SRC: variants seen among roughly 807,000 people sequenced by gnomAD.
SRC encodes proto-oncogene tyrosine-protein kinase Src.
A neutral mutation model predicts 62.9 loss-of-function variants in SRC; 13 were observed. The observed-to-expected ratio is 0.21, with a 90% CI of 0.13 to 0.33. The LOEUF (loss-of-function observed/expected upper bound fraction) is 0.33, where lower values mean the gene tolerates loss of function less well. Ranked by LOEUF, SRC falls within the 10% of genes least tolerant of loss-of-function variation. SRC has a pLI of 1.00. For synonymous variants in SRC, 302 were observed against 317.5 expected, an observed-to-expected ratio of 0.95 and a Z score of 0.52; for missense variants, 457 against 737.3, an observed-to-expected ratio of 0.62 and a Z score of 4.40.
At position 37,403,975 on chromosome 20, in the gene SRC, C is replaced by G. The variant is rs1360591546; in HGVS notation, c.*596C>G. 1 of 238,138 alleles carries G rather than the reference C, an allele frequency of 4.2e-6. No individual in the cohort carries two copies. The highest frequency in any genetic ancestry group is 8.3e-6 in the Non-Finnish European group (1 of 120,444). 14.8% of individuals were successfully genotyped at this position (238,138 alleles called of 1,614,324 possible). A position where few individuals can be genotyped will look rare whatever the true frequency, so the allele number is the denominator to read the frequency against. On this transcript the variant is annotated 3_prime_UTR_variant, in exon 14 of 14. Transcript: ENST00000373578. This position sits in a 1 kb window ranked among gnomAD's most constrained non-coding sequence, Gnocchi z 7.1. ...TGGTGGGTGGGTGGGATGAGTACCC[C>G]CTCAAACCCTGCCCTCCTTAGACCT...
At chr20:37,387,857 G>A (rs1016082467) in intron 5 of SRC, among the ~76,000 whole-genome samples, 1 of 152,180 alleles carries the variant, frequency 6.6e-6, no homozygotes, top group Admixed American at 6.5e-5. Context: ...TTGAAGTTGC[G>A]TTATTTTATT....
chr20:37,348,458 C>T (rs979730445), intron 1 of SRC, among the ~76,000 whole-genome samples: 1 of 152,156 alleles, frequency 6.6e-6, no homozygotes, highest in East Asian at 1.9e-4. Context: ...GTATTGAGCA[C>T]CTGCTGCGTA....
intron 5 of SRC, chr20:37,386,452 G>A (rs1182774044): frequency 2.8e-6 from 2 of 714,796 alleles, no homozygotes; most frequent in Non-Finnish European, 2.6e-6. Context: ...TCTCTCGCTG[G>A]CCCTTAGGAG....
chr20:37,359,389 C>G (rs2069931585), intron 1 of SRC, among the ~76,000 whole-genome samples: 1 of 152,228 alleles, frequency 6.6e-6, no homozygotes, highest in South Asian at 2.1e-4. Flanking sequence ...GCACACACAG[C>G]CCGTAAGAAG....
chr20:37,373,110 G>GTGCA (rs1555796334), intron 2 of SRC, among the ~76,000 whole-genome samples: 2 of 137,490 alleles, frequency 1.5e-5, no homozygotes, highest in African/African-American at 3.2e-5. Context: ...ACACATATAT[G>GTGCA]TACACACACA....
chr20:37,391,338 G>C (rs1460064770), intron 5 of SRC, among the ~76,000 whole-genome samples: 1 of 152,146 alleles, frequency 6.6e-6, no homozygotes. Context: ...GTGCCTGGCT[G>C]TGGACAGTCA....
Position 37,403,628 on chromosome 20 carries a change from C to T in SRC, c.*249C>T. 1.8e-6 allele frequency: 1 copy of T among 547,594 alleles called. No individual in the cohort carries two copies. Among genetic ancestry groups the T allele is most frequent in the Non-Finnish European group, 3.3e-6 (1 of 304,074 alleles). The allele number at this position is 547,594 out of a possible 1,614,324, so 33.9% of individuals were successfully genotyped here. A position where few individuals can be genotyped will look rare whatever the true frequency, so the allele number is the denominator to read the frequency against. On this transcript the variant is annotated 3_prime_UTR_variant, in exon 14 of 14. Coordinates refer to ENST00000373578, the MANE Select transcript of SRC (RefSeq NM_198291.3). This position sits in a 1 kb window ranked among gnomAD's most constrained non-coding sequence, Gnocchi z 7.1. Reference sequence around the variant, plus strand: ...CTCCCGCTGTGGCCGCACGCCTCTCCCTGCACTCCCTCCTGGAGCTCTGTG... The same window carrying T: ...CTCCCGCTGTGGCCGCACGCCTCTCTCTGCACTCCCTCCTGGAGCTCTGTG...
chr20:37,354,260 G>A (rs2069847394), intron 1 of SRC, among the ~76,000 whole-genome samples: 1 of 152,190 alleles, frequency 6.6e-6, no homozygotes, highest in Non-Finnish European at 1.5e-5. Context: ...CTTGCCTTTA[G>A]TTTGGGTTGA....
intron 1 of SRC, among the ~76,000 whole-genome samples, chr20:37,352,580 G>A (rs114804757): frequency 0.016 from 2,498 of 152,196 alleles, 71 homozygotes; most frequent in African/African-American, 0.057. Context: ...TCCCTCCTCC[G>A]CCTCACTGAA....
At position 37,384,706 on chromosome 20, in the gene SRC, C is replaced by T. The variant is rs2070423899; in HGVS notation, c.250+303C>T. Reference sequence around the variant, plus strand: ...CGGCGCGGGACCGGGCCTGTTGCTGCCTTGGCGCCCAGTCCTTTTTCGTTG... The same window carrying T: ...CGGCGCGGGACCGGGCCTGTTGCTGTCTTGGCGCCCAGTCCTTTTTCGTTG... On this transcript the variant is annotated intron_variant, in intron 4 of 13. Coordinates refer to ENST00000373578, the MANE Select transcript of SRC (RefSeq NM_198291.3). The surrounding 1 kb of genome is among the most constrained non-coding windows in gnomAD (Gnocchi z 6.7). 0.032 allele frequency among the ~76,000 whole-genome samples: 2 copies of T among 62 alleles called. No individual in the cohort carries two copies. The highest frequency in any genetic ancestry group is 0.077 in the Non-Finnish European group (2 of 26). The allele number at this position is 62 out of a possible 152,430, so 0.0% of individuals were successfully genotyped here. A position where few individuals can be genotyped will look rare whatever the true frequency, so the allele number is the denominator to read the frequency against.
At position 37,360,211 on chromosome 20, in the gene SRC, T is replaced by G. The variant is rs929189763; in HGVS notation, c.-246-4993T>G. On this transcript the variant is annotated intron_variant, in intron 1 of 13. Coordinates refer to ENST00000373578, the MANE Select transcript of SRC (RefSeq NM_198291.3). ...TGTGAACAATTTCTTTCTCTTTCTC[T>G]CTCTCTCTTTTTTTTTTTTTTTTTT... Among the ~76,000 whole-genome samples the G allele has an allele frequency of 2.0e-3, 262 of 133,492 alleles. 2 individuals carry two copies. The highest frequency in any genetic ancestry group is 7.2e-3 in the African/African-American group (211 of 29,486). The allele number at this position is 133,492 out of a possible 152,430, so 87.6% of individuals were successfully genotyped here.
At chr20:37,371,282 C>T (rs1252681738) in intron 2 of SRC, among the ~76,000 whole-genome samples, 1 of 152,190 alleles carries the variant, frequency 6.6e-6, no homozygotes, top group Non-Finnish European at 1.5e-5. Flanking sequence ...GCGTGAGCCA[C>T]CGTGCCCAGC....
chr20:37,357,965 G>T (rs1312284495), intron 1 of SRC, among the ~76,000 whole-genome samples: 1 of 152,188 alleles, frequency 6.6e-6, no homozygotes, highest in Non-Finnish European at 1.5e-5. Flanking sequence ...GGAGGGATGG[G>T]GTTGGTGGAG....
intron 1 of SRC, among the ~76,000 whole-genome samples, chr20:37,353,170 CAGAA>C (rs2069832168): frequency 6.6e-6 from 1 of 152,220 alleles, no homozygotes; most frequent in East Asian, 1.9e-4. Flanking sequence ...CTGAGACAGA[CAGAA>C]CCACCGTAAT....
chr20:37,354,948 G>A (rs533530621), intron 1 of SRC, among the ~76,000 whole-genome samples: 21 of 152,330 alleles, frequency 1.4e-4, no homozygotes, highest in Middle Eastern at 3.4e-3. Flanking sequence ...CACTGTTAAT[G>A]GGTACGGCTG....
intron 9 of SRC, 151 bp from the exon 10 acceptor site, chr20:37,399,964 G>C: frequency 1.6e-6 from 1 of 634,696 alleles, no homozygotes; most frequent in Non-Finnish European, 2.6e-6. Context: ...TGGGGAGACT[G>C]AGGCTCAGAA....
chr20:37,403,461 G>T lies in SRC; in HGVS notation c.*82G>T, dbSNP rs1348035013. On this transcript the variant is annotated 3_prime_UTR_variant, in exon 14 of 14. Transcript: ENST00000373578. The surrounding 1 kb of genome is among the most constrained non-coding windows in gnomAD (Gnocchi z 7.1). The stretch of plus-strand genomic sequence containing the variant: ...TCTCGGGGCTTGCCCCACTCTGCCT[G>T]CCTGCTGTTGGTCCTCTCTCTGTGG... The T allele has an allele frequency of 7.1e-7, 1 of 1,411,800 alleles. No homozygotes were observed. The highest frequency in any genetic ancestry group is 9.5e-7 in the Non-Finnish European group (1 of 1,050,782). The allele number at this position is 1,411,800 out of a possible 1,614,324, so 87.5% of individuals were successfully genotyped here. A position where few individuals can be genotyped will look rare whatever the true frequency, so the allele number is the denominator to read the frequency against.
Position 37,402,701 on chromosome 20 carries a change from G to T in SRC, c.1271-48G>T. 6.3e-7 allele frequency: 1 copy of T among 1,582,848 alleles called. No individual in the cohort carries two copies. ...CCTCATGGTGCTTATCTAGCAGAGC[G>T]GTCATGACAGGAGGTCAGAGCTGCC... is the stretch of plus-strand genomic sequence containing the variant. On this transcript the variant is annotated intron_variant, in intron 12 of 13. Transcript: ENST00000373578. This position sits in a 1 kb window ranked among gnomAD's most constrained non-coding sequence, Gnocchi z 6.2.
At chr20:37,363,739 C>G (rs2070014925) in intron 1 of SRC, among the ~76,000 whole-genome samples, 1 of 152,184 alleles carries the variant, frequency 6.6e-6, no homozygotes, top group Admixed American at 6.5e-5. Context: ...CCAAGAGGAG[C>G]CCAGGCTCCT....
Sources: gnomAD v4.1 joint callset for allele counts (sites outside exome capture counted in the v4.1 genomes callset) on GRCh38, gnomAD v4.1.1 for gene constraint, Gnocchi (gnomAD v3.1) non-coding constraint, MANE v1.5 for transcripts, NCBI Gene and HGNC (gene_info 2026-07-23, HGNC 2026-07-21) for gene names.